KCNN2: variants seen among roughly 807,000 people sequenced by gnomAD.
The protein encoded by KCNN2 is potassium calcium-activated channel subfamily N member 2.
A neutral mutation model predicts 55.5 loss-of-function variants in KCNN2; 24 were observed. The ratio of observed to expected loss-of-function variants is 0.43; its 90% confidence interval spans 0.31 to 0.61. KCNN2 has a LOEUF of 0.61. Among genes scored for constraint, KCNN2 ranks in the 20% least tolerant of loss-of-function variants. The probability of loss-of-function intolerance (pLI) is 0.08; values close to 1 mark genes in which losing one functional copy is unlikely to be tolerated. For missense variants in KCNN2, 754 were observed against 853.6 expected (o/e 0.88, Z 1.45); for synonymous variants, 431 against 336.1 (o/e 1.28, Z -3.09).
In KCNN2 at chr5:114,236,684, T is replaced by A. The variant is rs140441034; in HGVS notation, c.-185+15119T>A. On this transcript the variant is annotated intron_variant, in intron 2 of 10. Coordinates refer to the KCNN2 transcript ENST00000512097. ...ATCATCCCGACTCCTGTGTTTATCATTAATGTGTTTTTCTTTCTATTTGTG... is the reference window on the plus strand; with the variant it reads ...ATCATCCCGACTCCTGTGTTTATCAATAATGTGTTTTTCTTTCTATTTGTG... 3.0e-4 allele frequency among the ~76,000 whole-genome samples: 45 copies of A among 152,324 alleles called. 2 individuals carry two copies. Among genetic ancestry groups the A allele is most frequent in the African/African-American group, 1.0e-3 (43 of 41,582 alleles).
intron 1 of KCNN2, among the ~76,000 whole-genome samples, chr5:114,086,583 T>A (rs1751021085): frequency 6.6e-6 from 1 of 152,036 alleles, no homozygotes; most frequent in South Asian, 2.1e-4. Context: ...GGCCTCTAGC[T>A]GCATCTATGT....
At chr5:114,273,741 G>C (rs1296493959) in intron 2 of KCNN2, among the ~76,000 whole-genome samples, 3 of 152,158 alleles carry the variant, frequency 2.0e-5, no homozygotes, top group African/African-American at 7.2e-5. Flanking sequence ...GTAGATTCTG[G>C]ATATTAGTCC....
intron 1 of KCNN2, among the ~76,000 whole-genome samples, chr5:114,139,446 C>T (rs1329182787): frequency 7.0e-6 from 1 of 142,140 alleles, no homozygotes; most frequent in Admixed American, 7.6e-5. Flanking sequence ...AAGGAACACA[C>T]ACTCACACAA....
intron 2 of KCNN2, among the ~76,000 whole-genome samples, chr5:114,378,070 T>C (rs1304199538): frequency 6.6e-6 from 1 of 152,186 alleles, no homozygotes; most frequent in Non-Finnish European, 1.5e-5. Context: ...AAGAGGGACA[T>C]TGGGCAGAGA....
chr5:114,400,572 C>T (rs1260688807), intron 2 of KCNN2, among the ~76,000 whole-genome samples: 2 of 152,178 alleles, frequency 1.3e-5, no homozygotes, highest in Non-Finnish European at 2.9e-5. Context: ...GTTTGGATAC[C>T]ATGGGTCAAC....
At chr5:114,176,565 T>C (rs1020977094) in intron 1 of KCNN2, among the ~76,000 whole-genome samples, 1 of 152,192 alleles carries the variant, frequency 6.6e-6, no homozygotes, top group Non-Finnish European at 1.5e-5. Flanking sequence ...GGAGTTGTTT[T>C]TGATGATGCA....
intron 7 of KCNN2, among the ~76,000 whole-genome samples, chr5:114,494,109 T>C (rs557635539): frequency 6.6e-6 from 1 of 152,056 alleles, no homozygotes; most frequent in Non-Finnish European, 1.5e-5. Flanking sequence ...ATAAAACCCA[T>C]TCTTAAAACA....
intron 1 of KCNN2, among the ~76,000 whole-genome samples, chr5:114,090,250 A>G (rs1165995533): frequency 6.6e-6 from 1 of 152,172 alleles, no homozygotes; most frequent in African/African-American, 2.4e-5. Context: ...CAGTGGCAAG[A>G]AGCCTTAAGG....
At chr5:114,158,139 C>G (rs1321191335) in intron 1 of KCNN2, among the ~76,000 whole-genome samples, 4 of 151,898 alleles carry the variant, frequency 2.6e-5, no homozygotes, top group Admixed American at 6.6e-5. Context: ...GGTTTTAGGT[C>G]TAACATGTAA....
chr5:114,119,569 G>C (rs1007369075), intron 1 of KCNN2, among the ~76,000 whole-genome samples: 1 of 152,010 alleles, frequency 6.6e-6, no homozygotes, highest in Non-Finnish European at 1.5e-5. Flanking sequence ...TCTATTTTCT[G>C]TGAAGTTCTC....
At chr5:114,365,021 G>C (rs1252625868) in intron 2 of KCNN2, among the ~76,000 whole-genome samples, 2 of 151,704 alleles carry the variant, frequency 1.3e-5, no homozygotes, top group Non-Finnish European at 2.9e-5. Context: ...TCTTATATAG[G>C]ATTTGCCTTT....
Position 114,482,916 on chromosome 5 carries a change from T to C in KCNN2, c.1891-4134T>C, listed in dbSNP as rs141084229. 3.2e-3 allele frequency among the ~76,000 whole-genome samples: 489 copies of C among 152,162 alleles called. 3 individuals are homozygous for C. The highest frequency in any genetic ancestry group is 0.011 in the African/African-American group (459 of 41,524). ...GGGGGAGTGAGAGCATCAGGAAGAA[T>C]AGCTAATGGACGCTGGGTTTAATAG... On this transcript the variant is annotated intron_variant, in intron 5 of 7. Coordinates refer to ENST00000673685, the MANE Select transcript of KCNN2 (RefSeq NM_021614.4).
In KCNN2 at chr5:114,174,239, G is replaced by T. The variant is rs548299936; in HGVS notation, c.-270-47241G>T. ...TATAACCAACTGGGTAGTTGTCATG[G>T]CTTCATAAGATACATGAACCCTGCT... On this transcript the variant is annotated intron_variant, in intron 1 of 10. Coordinates refer to the KCNN2 transcript ENST00000512097. 1.9e-4 allele frequency among the ~76,000 whole-genome samples: 29 copies of T among 152,228 alleles called. No homozygotes were observed. The South Asian group carries it at 5.2e-3, about 27-fold the overall frequency.
intron 1 of KCNN2, among the ~76,000 whole-genome samples, chr5:114,074,298 G>A (rs1258747398): frequency 3.0e-5 from 2 of 65,782 alleles, no homozygotes; most frequent in African/African-American, 1.1e-4. Flanking sequence ...GTTTGCGTGT[G>A]TGTGTGTGTG....
chr5:114,432,789 C>T (rs372164759), intron 3 of KCNN2, among the ~76,000 whole-genome samples: 2 of 152,206 alleles, frequency 1.3e-5, no homozygotes, highest in African/African-American at 4.8e-5. Flanking sequence ...GCCGGCCAGC[C>T]CTGCCGGCCC....
At chr5:114,390,792 A>G (rs901731303) in intron 2 of KCNN2, among the ~76,000 whole-genome samples, 1 of 152,156 alleles carries the variant, frequency 6.6e-6, no homozygotes, top group Admixed American at 6.6e-5. Flanking sequence ...GAGAAGTTCA[A>G]AAGTGATTTT....
At chr5:114,476,770 T>A (rs1030686945) in intron 5 of KCNN2, among the ~76,000 whole-genome samples, 10 of 152,122 alleles carry the variant, frequency 6.6e-5, no homozygotes, top group African/African-American at 2.4e-4. Context: ...AAGATATTAA[T>A]GTTAAAATGA....
intron 1 of KCNN2, among the ~76,000 whole-genome samples, chr5:114,132,702 A>G (rs1752096170): frequency 6.6e-6 from 1 of 152,192 alleles, no homozygotes; most frequent in South Asian, 2.1e-4. Context: ...GGATAAAAGC[A>G]TAATTATAAA....
chr5:114,343,766 C>T (rs938905704), intron 2 of KCNN2, among the ~76,000 whole-genome samples: 54 of 152,196 alleles, frequency 3.5e-4, no homozygotes, highest in African/African-American at 1.2e-3. Context: ...ATCCTAAAGA[C>T]AACAGTGAAT....
Sources: allele counts gnomAD v4.1 joint callset (sites outside exome capture counted in the v4.1 genomes callset), GRCh38; gene constraint gnomAD v4.1.1; transcripts MANE v1.5; gene names NCBI Gene and HGNC (gene_info 2026-07-23, HGNC 2026-07-21).